Variants in MCTP1 observed in about 807,000 individuals in gnomAD.
MCTP1 encodes multiple C2 and transmembrane domain-containing protein 1.
MCTP1 carries 69 observed loss-of-function variants against 120.6 expected under a neutral mutation model. The ratio of observed to expected loss-of-function variants is 0.57; its 90% CI spans 0.47 to 0.70. MCTP1 has a LOEUF of 0.70. Among genes scored for constraint, MCTP1 ranks in the 30% least tolerant of loss-of-function variants. The pLI is 0.00. For missense variants in MCTP1, 1,203 were observed against 1,248.8 expected, an observed-to-expected ratio of 0.96 and a Z score of 0.55; for synonymous variants, 529 against 493.1, an observed-to-expected ratio of 1.07 and a Z score of -0.96.
At chr5:95,006,558 T>A (rs1217949966) in intron 2 of MCTP1, among the ~76,000 whole-genome samples, 1 of 152,158 alleles carries the variant, frequency 6.6e-6, no homozygotes, top group Non-Finnish European at 1.5e-5. Flanking sequence ...CCACCAACTG[T>A]AGGAAATGCA....
At chr5:95,236,424 T>C (rs1270917953) in intron 1 of MCTP1, among the ~76,000 whole-genome samples, 1 of 152,228 alleles carries the variant, frequency 6.6e-6, no homozygotes, top group Non-Finnish European at 1.5e-5. Flanking sequence ...TTTAGTGTAA[T>C]TTAACCCAGT....
intron 1 of MCTP1, among the ~76,000 whole-genome samples, chr5:95,131,353 G>A (rs1759031265): frequency 6.6e-6 from 1 of 152,208 alleles, no homozygotes; most frequent in East Asian, 1.9e-4. Flanking sequence ...TGTGAAGCAA[G>A]GAGACTGGGC....
chr5:94,934,290 T>C (rs1026231040), intron 5 of MCTP1, among the ~76,000 whole-genome samples: 1 of 151,846 alleles, frequency 6.6e-6, no homozygotes, highest in African/African-American at 2.4e-5. Context: ...AGATAGAAGA[T>C]GAAGCAAATT....
Position 94,711,594 on chromosome 5 carries a change from T to C in MCTP1, c.2721-667A>G, listed in dbSNP as rs142619159. The stretch of plus-strand genomic sequence containing the variant: ...TTACTATTATCTCTCATGTACTCCT[T>C]GTGAAGGACAGCATTCTGGCAAAAG... On this transcript the variant is annotated intron_variant, in intron 20 of 22. Transcript: ENST00000515393. Among the ~76,000 whole-genome samples, 473 of 152,214 alleles carry C rather than the reference T, an allele frequency of 3.1e-3. 3 individuals carry two copies. The highest frequency in any genetic ancestry group is 0.01 in the African/African-American group (435 of 41,538).
chr5:94,867,365 G>T, intron 17 of MCTP1: 1 of 1,531,656 alleles, frequency 6.5e-7, no homozygotes, highest in Non-Finnish European at 8.7e-7. Flanking sequence ...AGACATTAAT[G>T]AAAGTCCCAT....
chr5:94,986,516 G>GT (rs1480923268), intron 2 of MCTP1, among the ~76,000 whole-genome samples: 3 of 151,944 alleles, frequency 2.0e-5, no homozygotes, highest in African/African-American at 7.2e-5. Context: ...TTGTTTTTGT[G>GT]TTTTTTGCTT....
At chr5:95,099,607 A>C (rs918184507) in intron 1 of MCTP1, among the ~76,000 whole-genome samples, 21 of 148,844 alleles carry the variant, frequency 1.4e-4, no homozygotes, top group African/African-American at 3.7e-4. Flanking sequence ...GGCAATCATT[A>C]AAAAGTCAGG....
intron 1 of MCTP1, among the ~76,000 whole-genome samples, chr5:95,087,151 T>G (rs543497429): frequency 6.6e-6 from 1 of 152,338 alleles, no homozygotes; most frequent in African/African-American, 2.4e-5. Context: ...CTTGAGGCTA[T>G]GAGGTTTACA....
intron 2 of MCTP1, among the ~76,000 whole-genome samples, chr5:95,007,200 C>T (rs1203405428): frequency 6.6e-6 from 1 of 152,072 alleles, no homozygotes; most frequent in Non-Finnish European, 1.5e-5. Context: ...AGGGTAATCG[C>T]CCCCACAATT....
At chr5:94,807,798 T>A (rs1174006695) in intron 17 of MCTP1, among the ~76,000 whole-genome samples, 2 of 152,216 alleles carry the variant, frequency 1.3e-5, no homozygotes, top group Non-Finnish European at 2.9e-5. Flanking sequence ...AGAATTTTCC[T>A]GCCCCAAATG....
At chr5:94,985,791 AGT>A (rs2153605266) in intron 2 of MCTP1, among the ~76,000 whole-genome samples, 1 of 152,320 alleles carries the variant, frequency 6.6e-6, no homozygotes, top group Admixed American at 6.5e-5. Context: ...CAGAGCTCAC[AGT>A]GTGTGTCTAT....
chr5:95,093,799 G>A (rs1756025264), intron 1 of MCTP1, among the ~76,000 whole-genome samples: 1 of 152,158 alleles, frequency 6.6e-6, no homozygotes, highest in African/African-American at 2.4e-5. Flanking sequence ...TGTGACTATA[G>A]CAAAAGTGAG....
chr5:94,931,165 G>A (rs1300098457), intron 6 of MCTP1: 1 of 152,012 alleles, frequency 6.6e-6, no homozygotes, highest in South Asian at 2.1e-4. Context: ...TTAGGTAAAA[G>A]CATGATTCAA....
intron 19 of MCTP1, among the ~76,000 whole-genome samples, chr5:94,771,763 T>G (rs1327933103): frequency 1.3e-5 from 2 of 152,190 alleles, no homozygotes; most frequent in African/African-American, 4.8e-5. Context: ...CAGTTGGAAG[T>G]TACCTGTACT....
At chr5:95,114,163 A>G (rs575935115) in intron 1 of MCTP1, among the ~76,000 whole-genome samples, 8 of 152,346 alleles carry the variant, frequency 5.3e-5, no homozygotes, top group African/African-American at 1.7e-4. Flanking sequence ...ATGGGCCTTG[A>G]GTAAGACTCT....
Position 94,948,179 on chromosome 5 carries a change from T to A in MCTP1, c.981+5040A>T, listed in dbSNP as rs1336466278. 5.3e-5 allele frequency among the ~76,000 whole-genome samples: 8 copies of A among 152,150 alleles called. 1 individual carries two copies. The highest frequency in any genetic ancestry group is 1.3e-4 in the Admixed American group (2 of 15,276). On this transcript the variant is annotated intron_variant, in intron 3 of 22. Coordinates refer to ENST00000515393, the MANE Select transcript of MCTP1 (RefSeq NM_024717.7). ...CATCTTTAGTGGAAACCAGAAGCTA[T>A]CTTACTTAACTGCTAGGTGGACATA...
intron 1 of MCTP1, among the ~76,000 whole-genome samples, chr5:95,025,020 T>A (rs1427049201): frequency 6.6e-6 from 1 of 152,136 alleles, no homozygotes; most frequent in Admixed American, 6.5e-5. Flanking sequence ...TTCAATGCAA[T>A]CTCTATCATA....
At chr5:95,126,695 T>C (rs1183456520) in intron 1 of MCTP1, among the ~76,000 whole-genome samples, 1 of 152,194 alleles carries the variant, frequency 6.6e-6, no homozygotes. Flanking sequence ...GATCATGCTA[T>C]ACTACATCTG....
chr5:94,899,547 C>A (rs1490653685), intron 10 of MCTP1, among the ~76,000 whole-genome samples: 1 of 152,232 alleles, frequency 6.6e-6, no homozygotes, highest in Non-Finnish European at 1.5e-5. Flanking sequence ...CGATAGGAAG[C>A]CACACTGTGA....
Sources: allele counts gnomAD v4.1 joint callset (sites outside exome capture counted in the v4.1 genomes callset), GRCh38; gene constraint gnomAD v4.1.1; transcripts MANE v1.5; gene names NCBI Gene and HGNC (gene_info 2026-07-23, HGNC 2026-07-21).